Variants in MAPK8 observed in about 807,000 individuals in gnomAD.
MAPK8 encodes the protein mitogen-activated protein kinase 8, also known as JUN N-terminal kinase.
In MAPK8, 13 loss-of-function variants were observed where a neutral mutation model predicts 52.9. That is an observed-to-expected ratio of 0.25 (90% CI 0.16 to 0.39). The LOEUF is 0.39. Among genes scored for constraint, MAPK8 ranks in the 10% least tolerant of loss-of-function variants. MAPK8 has a pLI of 1.00. For missense variants in MAPK8, 300 were observed against 519.2 expected (o/e 0.58, Z 4.10); for synonymous variants, 191 against 169.8 (o/e 1.12, Z -0.97).
chr10:48,311,865 C>G (rs1842012000), intron 1 of MAPK8, among the ~76,000 whole-genome samples: 2 of 152,318 alleles, frequency 1.3e-5, no homozygotes, highest in South Asian at 4.1e-4. Flanking sequence ...TGAGATGACA[C>G]TGGTTTTTAC....
chr10:48,413,858 T>TATATATATATATATAACA (rs1444968579), intron 5 of MAPK8, among the ~76,000 whole-genome samples: 3 of 133,652 alleles, frequency 2.2e-5, no homozygotes, highest in South Asian at 2.4e-4. Flanking sequence ...TATATATATA[T>TATATATATATATATAACA]ATTCAGAAAT....
chr10:48,357,605 C>G (rs1027792259), intron 1 of MAPK8, among the ~76,000 whole-genome samples: 2 of 152,048 alleles, frequency 1.3e-5, no homozygotes, highest in Non-Finnish European at 2.9e-5. Context: ...ACCATGTTGC[C>G]CAGGCTGGTC....
intron 1 of MAPK8, among the ~76,000 whole-genome samples, chr10:48,313,543 A>G (rs1396469370): frequency 9.3e-6 from 1 of 107,096 alleles, no homozygotes; most frequent in Non-Finnish European, 1.8e-5. Context: ...ATCTTATGCT[A>G]CGTCTCGTCA....
rs1448138314 is a variant in MAPK8, at chr10:48,426,383, G to A, written c.875G>A (p.Ser292Asn). ...ADSEHNKLKASQARDLLSKML... is the reference protein window; with the variant it reads ...ADSEHNKLKANQARDLLSKML... ...ATTAACACCATTATGTTTGCAGCCA[G>A]TCAGGCAAGGGATTTGTTATCCAAA... Residue 292 changes from serine (S) to asparagine (N), a missense_variant, in exon 9 of 12, where the codon AGT (serine) becomes AAT (asparagine). Around this residue, in one of 3 missense-constraint regions of MAPK8, gnomAD observed 147 missense variants for 328.1 expected, o/e 0.45. Coordinates refer to ENST00000374189, the MANE Select transcript of MAPK8 (RefSeq NM_001323329.2). 5 of 1,604,722 alleles carry A rather than the reference G, an allele frequency of 3.1e-6. No homozygotes were observed. The highest frequency in any genetic ancestry group is 4.2e-6 in the Non-Finnish European group (5 of 1,176,954).
chr10:48,428,097 A>G (rs529183528), intron 10 of MAPK8, among the ~76,000 whole-genome samples: 142 of 152,342 alleles, frequency 9.3e-4, no homozygotes, highest in African/African-American at 3.4e-3. Flanking sequence ...TCCATGTTAT[A>G]TAGGAGTCTC....
rs137877671 is a variant in MAPK8, at chr10:48,309,269, C to G, written c.-50+2448C>G. Reference sequence around the variant, plus strand: ...TATTTTCACAGTGTTGTGCCTTGATCACCATCACTAATTCCAGAACATTGT... The same window carrying G: ...TATTTTCACAGTGTTGTGCCTTGATGACCATCACTAATTCCAGAACATTGT... On this transcript the variant is annotated intron_variant, in intron 1 of 11. Coordinates refer to ENST00000374189, the MANE Select transcript of MAPK8 (RefSeq NM_001323329.2). Among the ~76,000 whole-genome samples the G allele has an allele frequency of 4.0e-3, 603 of 152,308 alleles. 6 individuals are homozygous for G. The highest frequency in any genetic ancestry group is 0.013 in the African/African-American group (520 of 41,578).
chr10:48,338,365 G>A (rs1333767727), intron 1 of MAPK8, among the ~76,000 whole-genome samples: 3 of 151,340 alleles, frequency 2.0e-5, no homozygotes, highest in African/African-American at 7.3e-5. Flanking sequence ...ATATTCTTAT[G>A]CAGTAAAATC....
chr10:48,353,597 AT>A (rs1846549158), intron 1 of MAPK8, among the ~76,000 whole-genome samples: 1 of 152,208 alleles, frequency 6.6e-6, no homozygotes, highest in Non-Finnish European at 1.5e-5. Flanking sequence ...TAGATTCTAA[AT>A]GTAAACCCTA....
In MAPK8 at chr10:48,425,870, T is replaced by G; in HGVS notation, c.689-18T>G. On this transcript the variant is annotated intron_variant, in intron 7 of 11. Transcript: ENST00000374189. ...GAACATTAGTTATGGAGTATTTTTC[T>G]TAGCTACTTGATATTAGATATTGAT... 6 of 1,159,648 alleles carry G rather than the reference T, an allele frequency of 5.2e-6. No individual in the cohort carries two copies. The highest frequency in any genetic ancestry group is 7.4e-6 in the Non-Finnish European group (6 of 813,894). The allele number at this position is 1,159,648 out of a possible 1,614,324, so 71.8% of individuals were successfully genotyped here.
Position 48,401,771 on chromosome 10 carries a change from A to G in MAPK8, c.111A>G (p.Gln37=), listed in dbSNP as rs1269218914. Residue 37 remains glutamine, a synonymous_variant, in exon 2 of 12, where the codon CAA becomes CAG. Coordinates refer to ENST00000374189, the MANE Select transcript of MAPK8 (RefSeq NM_001323329.2). The part of the protein sequence containing the change: ...QNLKPIGSGA[Q]GIVCAAYDAI... ...TAAAACCTATAGGCTCAGGAGCTCAAGGAATAGTATGGTAAGTGTTTACTT... is the reference window on the plus strand; with the variant it reads ...TAAAACCTATAGGCTCAGGAGCTCAGGGAATAGTATGGTAAGTGTTTACTT... 1 of 1,516,102 alleles carries G rather than the reference A, an allele frequency of 6.6e-7. No homozygotes were observed. Among genetic ancestry groups the G allele is most frequent in the East Asian group, 2.5e-5 (1 of 39,300 alleles). 93.9% of individuals were successfully genotyped at this position (1,516,102 alleles called of 1,614,324 possible).
chr10:48,375,396 C>G (rs895705207), intron 1 of MAPK8, among the ~76,000 whole-genome samples: 1 of 152,086 alleles, frequency 6.6e-6, no homozygotes, highest in Non-Finnish European at 1.5e-5. Flanking sequence ...CCAGGGCAAT[C>G]AGGCAAGAGA....
intron 1 of MAPK8, among the ~76,000 whole-genome samples, chr10:48,366,923 A>C (rs994677109): frequency 2.6e-5 from 4 of 152,144 alleles, no homozygotes; most frequent in African/African-American, 9.7e-5. Flanking sequence ...CTACATAATC[A>C]CCAAATGTTA....
intron 1 of MAPK8, among the ~76,000 whole-genome samples, chr10:48,374,256 A>G (rs1266131801): frequency 1.3e-5 from 2 of 152,296 alleles, no homozygotes; most frequent in Non-Finnish European, 2.9e-5. Flanking sequence ...GCCTAGAGGA[A>G]AATTTATAGC....
At position 48,392,446 on chromosome 10, in the gene MAPK8, A is replaced by G. The variant is rs79539181; in HGVS notation, c.-49-9166A>G. Among the ~76,000 whole-genome samples, 97 of 152,080 alleles carry G rather than the reference A, an allele frequency of 6.4e-4. 1 individual carries two copies. In the East Asian group the frequency reaches 0.017, roughly 27 times the overall value. On this transcript the variant is annotated intron_variant, in intron 1 of 11. Coordinates refer to ENST00000374189, the MANE Select transcript of MAPK8 (RefSeq NM_001323329.2). ...CCCTATATATACAATACATAGAATT[A>G]TATATATGTTATTATCTAATATGTA... is the stretch of plus-strand genomic sequence containing the variant.
Position 48,351,552 on chromosome 10 carries a change from A to AAGCAGTTATG in MAPK8, c.-50+44733_-50+44742dup, listed in dbSNP as rs1347795081. On this transcript the variant is annotated intron_variant, in intron 1 of 11. Transcript: ENST00000374189. Reference sequence around the variant, plus strand: ...GGAGTCATCAAGACAGTGCTTCAACAAGCAGTTATGAACATGCTTGAAATA... The same window carrying AAGCAGTTATG: ...GGAGTCATCAAGACAGTGCTTCAACAAGCAGTTATGAGCAGTTATGAACATGCTTGAAATA... 2.0e-5 allele frequency among the ~76,000 whole-genome samples: 3 copies of AAGCAGTTATG among 152,202 alleles called. No individual in the cohort carries two copies. The East Asian group carries it at 5.8e-4, about 29-fold the overall frequency.
At chr10:48,417,852 C>A (rs926753881) in intron 5 of MAPK8, among the ~76,000 whole-genome samples, 1 of 152,170 alleles carries the variant, frequency 6.6e-6, no homozygotes, top group African/African-American at 2.4e-5. Flanking sequence ...TTTATTTCTG[C>A]TTTAAAAGGT....
At chr10:48,414,017 T>C (rs1386522526) in intron 5 of MAPK8, among the ~76,000 whole-genome samples, 2 of 151,554 alleles carry the variant, frequency 1.3e-5, no homozygotes, top group South Asian at 2.1e-4. Context: ...CTTTAGAAAA[T>C]TCTATTGCCC....
intron 1 of MAPK8, among the ~76,000 whole-genome samples, chr10:48,338,269 G>T (rs1052014692): frequency 2.6e-5 from 4 of 152,054 alleles, no homozygotes. Context: ...GATCAGGTAG[G>T]TTTTTTCCTA....
chr10:48,354,163 AAT>A (rs1491274467), intron 1 of MAPK8, among the ~76,000 whole-genome samples: 6 of 152,006 alleles, frequency 3.9e-5, no homozygotes, highest in African/African-American at 1.5e-4. Context: ...ATTAAAAAAA[AAT>A]TTTTTTAAAT....
Sources: gnomAD v4.1 joint callset for allele counts (sites outside exome capture counted in the v4.1 genomes callset) on GRCh38, gnomAD v4.1.1 for gene constraint, gnomAD v4.1.1 regional missense constraint, MANE v1.5 for transcripts, NCBI Gene and HGNC (gene_info 2026-07-23, HGNC 2026-07-21) for gene names.